PLCB1: variants seen among roughly 807,000 people sequenced by gnomAD.
PLCB1 encodes phospholipase C beta 1.
In PLCB1, 46 loss-of-function variants were observed where a neutral mutation model predicts 161.8. That is an observed-to-expected ratio of 0.28 (90% CI 0.22 to 0.36). PLCB1 has a LOEUF of 0.36. Ranked by LOEUF, PLCB1 falls within the 10% of genes least tolerant of loss-of-function variation. The pLI, the probability that PLCB1 is intolerant of heterozygous loss-of-function variation, is 1.00. For synonymous variants in PLCB1, 517 were observed against 503.7 expected (o/e 1.03, Z -0.35); for missense variants, 1,016 against 1,472.5 (o/e 0.69, Z 5.07).
chr20:8,700,158 G>A (rs138683342), intron 11 of PLCB1, among the ~76,000 whole-genome samples: 28 of 152,188 alleles, frequency 1.8e-4, no homozygotes, highest in Admixed American at 2.0e-4. Flanking sequence ...TCCTGGAATG[G>A]CAGACAGCAC....
At chr20:8,318,812 G>A (rs746179316) in intron 2 of PLCB1, among the ~76,000 whole-genome samples, 8 of 152,032 alleles carry the variant, frequency 5.3e-5, no homozygotes, top group Admixed American at 1.3e-4. Context: ...GTGGTCTGAT[G>A]TTCAAATAAT....
At chr20:8,365,882 G>C (rs1037846313) in intron 2 of PLCB1, among the ~76,000 whole-genome samples, 1 of 151,970 alleles carries the variant, frequency 6.6e-6, no homozygotes, top group African/African-American at 2.4e-5. Context: ...TTATTATATT[G>C]GGTGACTAAT....
At chr20:8,377,684 G>T (rs1408529800) in intron 3 of PLCB1, among the ~76,000 whole-genome samples, 1 of 152,158 alleles carries the variant, frequency 6.6e-6, no homozygotes. Context: ...CAAAAGAAAA[G>T]ATTCTAGAAC....
chr20:8,829,316 A>T (rs1985867992), intron 31 of PLCB1, among the ~76,000 whole-genome samples: 1 of 152,144 alleles, frequency 6.6e-6, no homozygotes, highest in African/African-American at 2.4e-5. Context: ...TTCAGGCACA[A>T]ATGCAAGTTC....
At chr20:8,363,935 A>G (rs1207147032) in intron 2 of PLCB1, among the ~76,000 whole-genome samples, 1 of 152,206 alleles carries the variant, frequency 6.6e-6, no homozygotes, top group Admixed American at 6.5e-5. Context: ...TTTGTTTTAC[A>G]ATTCTTGGTA....
intron 3 of PLCB1, among the ~76,000 whole-genome samples, chr20:8,475,116 A>G (rs944444989): frequency 6.6e-6 from 1 of 152,168 alleles, no homozygotes; most frequent in Non-Finnish European, 1.5e-5. Flanking sequence ...TATATTTTCA[A>G]TCAAAGATCT....
At chr20:8,671,483 A>C (rs1473457969) in intron 9 of PLCB1, among the ~76,000 whole-genome samples, 1 of 152,216 alleles carries the variant, frequency 6.6e-6, no homozygotes, top group Non-Finnish European at 1.5e-5. Flanking sequence ...ATTAGAATGT[A>C]AATTAAGTCG....
At chr20:8,147,985 G>A (rs2051471892) in intron 1 of PLCB1, among the ~76,000 whole-genome samples, 1 of 148,324 alleles carries the variant, frequency 6.7e-6, no homozygotes, top group African/African-American at 2.5e-5. Context: ...CCATTCTCCT[G>A]CCTCAGCCTC....
chr20:8,203,173 C>T (rs995387884), intron 2 of PLCB1, among the ~76,000 whole-genome samples: 12 of 151,896 alleles, frequency 7.9e-5, no homozygotes, highest in African/African-American at 2.9e-4. Flanking sequence ...AAGTAAAAAT[C>T]ACTAGAGTTG....
At chr20:8,786,206 A>G (rs906168435) in intron 27 of PLCB1, among the ~76,000 whole-genome samples, 1 of 152,218 alleles carries the variant, frequency 6.6e-6, no homozygotes, top group African/African-American at 2.4e-5. Flanking sequence ...GGAAGGTGCT[A>G]GTGAGAGGAC....
chr20:8,814,174 A>C (rs1285487428), intron 31 of PLCB1, among the ~76,000 whole-genome samples: 1 of 152,206 alleles, frequency 6.6e-6, no homozygotes, highest in East Asian at 1.9e-4. Context: ...TTATTAGCAA[A>C]AGTAAATGTG....
chr20:8,296,352 A>C (rs1677742569), intron 2 of PLCB1, among the ~76,000 whole-genome samples: 1 of 152,164 alleles, frequency 6.6e-6, no homozygotes, highest in South Asian at 2.1e-4. Flanking sequence ...CATACAGATT[A>C]ATAGAGTCCT....
At chr20:8,304,584 C>G (rs1252171321) in intron 2 of PLCB1, among the ~76,000 whole-genome samples, 2 of 151,704 alleles carry the variant, frequency 1.3e-5, no homozygotes, top group Admixed American at 6.6e-5. Context: ...CCTGAGGGGC[C>G]TCTTCTGTGG....
At chr20:8,486,481 ATTTTTTTTTTT>A (rs71183092) in intron 3 of PLCB1, among the ~76,000 whole-genome samples, 4 of 85,782 alleles carry the variant, frequency 4.7e-5, no homozygotes, top group East Asian at 3.5e-4. Context: ...ATTCCAAAAT[ATTTTTTTTTTT>A]TTTTTTTTTT....
chr20:8,243,115 C>T (rs1311074160), intron 2 of PLCB1, among the ~76,000 whole-genome samples: 1 of 151,854 alleles, frequency 6.6e-6, no homozygotes, highest in Non-Finnish European at 1.5e-5. Flanking sequence ...GGTGGTGAAA[C>T]AGTTAAAAAA....
chr20:8,603,478 C>T (rs567289098), intron 3 of PLCB1, among the ~76,000 whole-genome samples: 4 of 152,212 alleles, frequency 2.6e-5, no homozygotes, highest in Non-Finnish European at 5.9e-5. Flanking sequence ...GGCCACTGCT[C>T]TCTCTACAAA....
At chr20:8,440,966 A>G (rs1980533211) in intron 3 of PLCB1, among the ~76,000 whole-genome samples, 1 of 152,156 alleles carries the variant, frequency 6.6e-6, no homozygotes, top group Admixed American at 6.6e-5. Context: ...AATTAAAAAG[A>G]GAAATTAACC....
intron 9 of PLCB1, among the ~76,000 whole-genome samples, chr20:8,662,213 A>G (rs1401314813): frequency 1.6e-5 from 1 of 62,726 alleles, no homozygotes; most frequent in Non-Finnish European, 2.9e-5. Context: ...TATATTATAT[A>G]TAATTATTAT....
intron 31 of PLCB1, among the ~76,000 whole-genome samples, chr20:8,831,912 C>CTCCCTCTCTTTCTT (rs1986006249): frequency 1.7e-5 from 1 of 58,572 alleles, no homozygotes; most frequent in East Asian, 5.9e-4. Flanking sequence ...CTCTTTCTTT[C>CTCCCTCTCTTTCTT]TCTTTCTTTC....
Sources: gnomAD v4.1 joint callset for allele counts (sites outside exome capture counted in the v4.1 genomes callset) on GRCh38, gnomAD v4.1.1 for gene constraint, MANE v1.5 for transcripts, NCBI Gene and HGNC (gene_info 2026-07-23, HGNC 2026-07-21) for gene names.